The following ST6GALNAC3 variants were observed in gnomAD, a reference collection of about 807,000 sequenced individuals.
ST6GALNAC3 encodes the protein alpha-N-acetylgalactosaminide alpha-2,6-sialyltransferase 3.
A neutral mutation model predicts 32.7 loss-of-function variants in ST6GALNAC3; 25 were observed. That is an observed-to-expected ratio of 0.76 (90% CI 0.56 to 1.07). ST6GALNAC3 has a LOEUF of 1.07. ST6GALNAC3 is among the 50% of genes least tolerant of loss of function. The pLI is 0.00. For synonymous variants in ST6GALNAC3, 129 were observed against 133.1 expected (o/e 0.97, Z 0.21); for missense variants, 355 against 382.4 (o/e 0.93, Z 0.60).
intron 3 of ST6GALNAC3, among the ~76,000 whole-genome samples, chr1:76,577,502 A>T (rs1646829953): frequency 6.6e-6 from 1 of 151,994 alleles, no homozygotes; most frequent in African/African-American, 2.4e-5. Context: ...ATCATGTCAT[A>T]AAAACATTCA....
At chr1:76,209,730 C>T (rs1009937923) in intron 1 of ST6GALNAC3, among the ~76,000 whole-genome samples, 5 of 152,268 alleles carry the variant, frequency 3.3e-5, no homozygotes, top group Admixed American at 3.3e-4. Flanking sequence ...ATTTTAAATG[C>T]TCAGGATGAC....
chr1:76,365,434 A>G (rs1650290829), intron 2 of ST6GALNAC3, among the ~76,000 whole-genome samples: 1 of 152,230 alleles, frequency 6.6e-6, no homozygotes, highest in African/African-American at 2.4e-5. Flanking sequence ...TATGCAATAT[A>G]TCCATGTAAC....
intron 3 of ST6GALNAC3, among the ~76,000 whole-genome samples, chr1:76,549,850 G>A (rs1365033551): frequency 6.6e-6 from 1 of 152,148 alleles, no homozygotes; most frequent in African/African-American, 2.4e-5. Context: ...TCAGCAGTTG[G>A]TATCATCAGA....
chr1:76,492,719 T>G (rs1038045580), intron 3 of ST6GALNAC3, among the ~76,000 whole-genome samples: 2 of 152,090 alleles, frequency 1.3e-5, no homozygotes, highest in Non-Finnish European at 1.5e-5. Context: ...TGAGCAAGAA[T>G]CTAGGTGGGC....
chr1:76,123,682 A>G (rs1649041779), intron 1 of ST6GALNAC3, among the ~76,000 whole-genome samples: 1 of 151,696 alleles, frequency 6.6e-6, no homozygotes, highest in South Asian at 2.1e-4. Flanking sequence ...ACTGAATAAT[A>G]GTGTAACAAA....
intron 1 of ST6GALNAC3, among the ~76,000 whole-genome samples, chr1:76,271,485 A>T (rs1658841017): frequency 6.6e-6 from 1 of 152,244 alleles, no homozygotes; most frequent in Non-Finnish European, 1.5e-5. Context: ...GCTTGTCTTC[A>T]GTGGTCCTAT....
chr1:76,570,196 A>T (rs1665778243), intron 3 of ST6GALNAC3, among the ~76,000 whole-genome samples: 1 of 152,192 alleles, frequency 6.6e-6, no homozygotes, highest in African/African-American at 2.4e-5. Context: ...TCAAGAAGAC[A>T]TTTAAACCTT....
intron 2 of ST6GALNAC3, among the ~76,000 whole-genome samples, chr1:76,383,928 T>C (rs1225335226): frequency 2.0e-5 from 3 of 152,104 alleles, no homozygotes; most frequent in Non-Finnish European, 4.4e-5. Context: ...AACTAAGAGA[T>C]AATAAATGGG....
chr1:76,187,307 A>G (rs1653616679), intron 1 of ST6GALNAC3, among the ~76,000 whole-genome samples: 2 of 152,142 alleles, frequency 1.3e-5, no homozygotes, highest in Non-Finnish European at 2.9e-5. Flanking sequence ...TGCTTACTTG[A>G]TATTCCATTG....
chr1:76,285,085 C>T (rs762750629), intron 1 of ST6GALNAC3, among the ~76,000 whole-genome samples: 10 of 152,142 alleles, frequency 6.6e-5, no homozygotes, highest in Non-Finnish European at 1.3e-4. Context: ...CATCCTGAGG[C>T]AGATGTTTAA....
intron 1 of ST6GALNAC3, among the ~76,000 whole-genome samples, chr1:76,137,707 A>G (rs1650039529): frequency 1.3e-5 from 2 of 152,152 alleles, no homozygotes; most frequent in Admixed American, 6.5e-5. Context: ...GCTAGTTTGT[A>G]TGTATTGCTA....
At chr1:76,253,866 A>G (rs1204599689) in intron 1 of ST6GALNAC3, among the ~76,000 whole-genome samples, 1 of 152,134 alleles carries the variant, frequency 6.6e-6, no homozygotes, top group Non-Finnish European at 1.5e-5. Flanking sequence ...ATTGCCTCAC[A>G]TCTTCCAGTG....
chr1:76,269,904 A>T (rs967933235), intron 1 of ST6GALNAC3, among the ~76,000 whole-genome samples: 4 of 152,008 alleles, frequency 2.6e-5, no homozygotes, highest in African/African-American at 9.7e-5. Flanking sequence ...GCCGTAATGC[A>T]TGTGTGCCTG....
intron 3 of ST6GALNAC3, among the ~76,000 whole-genome samples, chr1:76,459,852 A>G (rs1369186215): frequency 6.6e-6 from 1 of 152,176 alleles, no homozygotes; most frequent in Non-Finnish European, 1.5e-5. Flanking sequence ...ATAATATTCC[A>G]TTGTATGGAT....
chr1:76,330,481 G>T (rs1647169303), intron 2 of ST6GALNAC3, among the ~76,000 whole-genome samples: 1 of 152,196 alleles, frequency 6.6e-6, no homozygotes, highest in Non-Finnish European at 1.5e-5. Context: ...ACACACAGCT[G>T]TCCTCTGTCT....
chr1:76,415,099 A>G (rs140983522), intron 3 of ST6GALNAC3, among the ~76,000 whole-genome samples: 2,113 of 151,106 alleles, frequency 0.014, 29 homozygotes, highest in Non-Finnish European at 0.021. Context: ...TAGATTTGTT[A>G]ATCACATTCC....
chr1:76,460,322 T>G (rs1658194023), intron 3 of ST6GALNAC3, among the ~76,000 whole-genome samples: 2 of 152,200 alleles, frequency 1.3e-5, no homozygotes, highest in African/African-American at 4.8e-5. Context: ...AATTGGGTCG[T>G]TTGTCTTTGT....
chr1:76,516,017 C>A (rs1017490506), intron 3 of ST6GALNAC3, among the ~76,000 whole-genome samples: 1 of 152,148 alleles, frequency 6.6e-6, no homozygotes, highest in Admixed American at 6.6e-5. Context: ...AAGTCCGATA[C>A]TATTATTGTA....
intron 3 of ST6GALNAC3, among the ~76,000 whole-genome samples, chr1:76,597,011 T>C (rs1261173162): frequency 1.3e-5 from 2 of 152,186 alleles, no homozygotes; most frequent in Non-Finnish European, 2.9e-5. Flanking sequence ...CATAAAAGAT[T>C]TCTGGGGACA....
Sources: allele counts gnomAD v4.1 joint callset (sites outside exome capture counted in the v4.1 genomes callset), GRCh38; gene constraint gnomAD v4.1.1; transcripts MANE v1.5; gene names NCBI Gene and HGNC (gene_info 2026-07-23, HGNC 2026-07-21).